NR2F1-AS1: variants seen among roughly 807,000 people sequenced by gnomAD.
NR2F1-AS1 encodes NR2F1 regulatory antisense RNA 1.
At chr5:93,543,200 A>T (rs1751994412) in intron 4 of NR2F1-AS1, 1 of 152,252 alleles carries the variant, frequency 6.6e-6, no homozygotes, top group Non-Finnish European at 1.5e-5. Flanking sequence ...TTGCAAGGGC[A>T]GTAAGAAAGA....
At chr5:93,495,627 TG>T (rs202114440) in intron 4 of NR2F1-AS1, among the ~76,000 whole-genome samples, 1 of 151,904 alleles carries the variant, frequency 6.6e-6, no homozygotes, top group South Asian at 2.1e-4. Flanking sequence ...TTACTCTATT[TG>T]GAAAAAAAAA....
At chr5:93,413,494 T>C (rs1748905644) in intron 4 of NR2F1-AS1, among the ~76,000 whole-genome samples, 2 of 152,156 alleles carry the variant, frequency 1.3e-5, no homozygotes, top group Admixed American at 1.3e-4. Flanking sequence ...GGATTGCTTC[T>C]TTCTACTTCC....
chr5:93,432,051 C>T lies in NR2F1-AS1; in HGVS notation n.639-36509G>A, dbSNP rs989955829. 2.6e-5 allele frequency among the ~76,000 whole-genome samples: 4 copies of T among 152,190 alleles called. No individual in the cohort carries two copies. In the South Asian group the frequency reaches 6.2e-4, roughly 24 times the overall value. On this transcript the variant is annotated intron_variant and non_coding_transcript_variant, in intron 4 of 5. Coordinates refer to ENST00000660523, the Ensembl canonical transcript of NR2F1-AS1. ...TTAAAGCAGCCTTGTATTCTGACTC[C>T]CTGCATAGACTATATGCATGTATAC... is the stretch of plus-strand genomic sequence containing the variant.
intron 4 of NR2F1-AS1, among the ~76,000 whole-genome samples, chr5:93,439,947 C>T (rs1168559326): frequency 1.3e-5 from 2 of 152,182 alleles, no homozygotes; most frequent in African/African-American, 2.4e-5. Context: ...TCCTTGAAGA[C>T]AATGTGTCTA....
At chr5:93,541,071 G>A (rs762230851) in intron 4 of NR2F1-AS1, among the ~76,000 whole-genome samples, 11 of 152,144 alleles carry the variant, frequency 7.2e-5, no homozygotes, top group African/African-American at 2.4e-4. Context: ...TCTACCTGCA[G>A]ATTCTGTCCT....
chr5:93,547,451 A>G (rs1230448201), intron 4 of NR2F1-AS1, among the ~76,000 whole-genome samples: 1 of 152,186 alleles, frequency 6.6e-6, no homozygotes, highest in Non-Finnish European at 1.5e-5. Flanking sequence ...AATAATGTAT[A>G]CATTTCTCAG....
intron 4 of NR2F1-AS1, among the ~76,000 whole-genome samples, chr5:93,418,762 C>T (rs1158764410): frequency 1.3e-5 from 2 of 152,160 alleles, no homozygotes; most frequent in African/African-American, 2.4e-5. Context: ...CTTTCACTTT[C>T]ACTTCCAACT....
At chr5:93,559,789 G>A (rs186343082) in intron 2 of NR2F1-AS1, among the ~76,000 whole-genome samples, 6 of 152,260 alleles carry the variant, frequency 3.9e-5, no homozygotes, top group African/African-American at 1.2e-4. Context: ...TGTCTTCAAC[G>A]GGCTCAATTT....
intron 4 of NR2F1-AS1, among the ~76,000 whole-genome samples, chr5:93,523,945 TCTC>T (rs1230354611): frequency 6.6e-6 from 1 of 151,874 alleles, no homozygotes; most frequent in Non-Finnish European, 1.5e-5. Context: ...GAAAGCCACT[TCTC>T]CTCCAAAGGA....
chr5:93,582,851 G>A (rs486232), upstream of NR2F1-AS1, among the ~76,000 whole-genome samples: 3 of 151,994 alleles, frequency 2.0e-5, no homozygotes, highest in African/African-American at 7.3e-5. Context: ...TAGCAGCGCA[G>A]GGCGATCTCA....
intron 4 of NR2F1-AS1, among the ~76,000 whole-genome samples, chr5:93,448,302 G>A (rs773466201): frequency 2.0e-5 from 3 of 152,062 alleles, no homozygotes; most frequent in Non-Finnish European, 4.4e-5. Context: ...AAGCTTTCCT[G>A]CCTTTCTGTC....
chr5:93,437,927 C>T (rs147346405), intron 4 of NR2F1-AS1, among the ~76,000 whole-genome samples: 28 of 152,214 alleles, frequency 1.8e-4, no homozygotes, highest in African/African-American at 6.7e-4. Context: ...AAATGGAAAG[C>T]ATTCTCTTAC....
At chr5:93,466,876 CTTT>C (rs1025206308) in intron 4 of NR2F1-AS1, among the ~76,000 whole-genome samples, 16 of 122,864 alleles carry the variant, frequency 1.3e-4, no homozygotes, top group Non-Finnish European at 2.4e-4. Flanking sequence ...AAAGTTTCTT[CTTT>C]TCCTTCTCCA....
rs1751763178 is a variant in NR2F1-AS1 at position 93,532,849 on chromosome 5, C to T, written n.638+20912G>A. On this transcript the variant is annotated intron_variant and non_coding_transcript_variant, in intron 4 of 5. Coordinates refer to ENST00000660523, the Ensembl canonical transcript of NR2F1-AS1. ...TGTTCATGTCACCAAATTATTAATA[C>T]AGAAAATGTGAAAGCAATCATACTA... is the stretch of plus-strand genomic sequence containing the variant. Among the ~76,000 whole-genome samples, 5 of 152,180 alleles carry T rather than the reference C, an allele frequency of 3.3e-5. 2 individuals carry two copies. The South Asian group carries it at 1.0e-3, about 31-fold the overall frequency.
At chr5:93,585,167 G>T, upstream of NR2F1-AS1, 1 of 1,216,488 alleles carries the variant, frequency 8.2e-7, no homozygotes. Flanking sequence ...GCTCGGGCGC[G>T]CCGCACACGC....
intron 4 of NR2F1-AS1, among the ~76,000 whole-genome samples, chr5:93,501,344 TTG>T (rs74435155): frequency 9.0e-6 from 1 of 110,516 alleles, no homozygotes. Context: ...GTTGTTGTTG[TTG>T]TTTGGGGGAA....
At chr5:93,488,503 T>C (rs1424459392) in intron 4 of NR2F1-AS1, among the ~76,000 whole-genome samples, 1 of 152,234 alleles carries the variant, frequency 6.6e-6, no homozygotes, top group Admixed American at 6.5e-5. Context: ...AAGCTCATCA[T>C]CACTGGTCAT....
At chr5:93,506,322 C>G (rs915660686) in intron 4 of NR2F1-AS1, among the ~76,000 whole-genome samples, 2 of 152,186 alleles carry the variant, frequency 1.3e-5, no homozygotes, top group African/African-American at 4.8e-5. Flanking sequence ...TCCAAACTTT[C>G]CCACATTTTC....
At chr5:93,578,782 A>G (rs1752953963) in intron 1 of NR2F1-AS1, among the ~76,000 whole-genome samples, 1 of 152,212 alleles carries the variant, frequency 6.6e-6, no homozygotes, top group Admixed American at 6.5e-5. Context: ...ACAAGTATGT[A>G]GGATTTCCCA....
Sources: gnomAD v4.1 joint callset for allele counts (sites outside exome capture counted in the v4.1 genomes callset) on GRCh38, gnomAD v4.1.1 for gene constraint, MANE v1.5 for transcripts, NCBI Gene and HGNC (gene_info 2026-07-23, HGNC 2026-07-21) for gene names.